The following PRKCA variants were observed in gnomAD, a reference collection of about 807,000 sequenced individuals.
PRKCA encodes protein kinase C alpha type.
PRKCA carries 27 observed loss-of-function variants against 87.0 expected under a neutral mutation model. The ratio of observed to expected loss-of-function variants is 0.31; its 90% CI spans 0.23 to 0.43. The LOEUF (loss-of-function observed/expected upper bound fraction) is 0.43. Among genes scored for constraint, PRKCA ranks in the 20% least tolerant of loss-of-function variants. The pLI is 1.00. For synonymous variants in PRKCA, 329 were observed against 311.1 expected (o/e 1.06, Z -0.61); for missense variants, 518 against 852.3 (o/e 0.61, Z 4.88).
intron 5 of PRKCA, among the ~76,000 whole-genome samples, chr17:66,671,165 T>C (rs894866008): frequency 2.4e-5 from 3 of 124,740 alleles, no homozygotes; most frequent in African/African-American, 9.2e-5. Flanking sequence ...GAGCCGAGAT[T>C]GCACCATTGC....
chr17:66,481,740 C>T (rs1915786536), intron 2 of PRKCA, among the ~76,000 whole-genome samples: 1 of 152,176 alleles, frequency 6.6e-6, no homozygotes, highest in Non-Finnish European at 1.5e-5. Flanking sequence ...ACTTTCTGGC[C>T]TTCAACTAGG....
At position 66,748,515 on chromosome 17, in the gene PRKCA, G is replaced by C. The variant is rs1410415060; in HGVS notation, c.1524+5755G>C. ...CAGCCGTCTCGTTCTTGGACCCCAA[G>C]GAGGGCAAATGTTCATGAAGTCAGG... On this transcript the variant is annotated intron_variant, in intron 13 of 16. Transcript: ENST00000413366. Among the ~76,000 whole-genome samples the C allele has an allele frequency of 2.6e-5, 4 of 152,172 alleles. No homozygotes were observed. In the East Asian group the frequency reaches 7.7e-4, roughly 29 times the overall value.
intron 2 of PRKCA, among the ~76,000 whole-genome samples, chr17:66,443,586 T>C (rs1860658): frequency 0.22 from 33,274 of 152,118 alleles, 4,045 homozygotes; most frequent in African/African-American, 0.31. Flanking sequence ...CATGGTGGCA[T>C]GTTGGGCTCT....
chr17:66,543,429 A>G (rs1370544547), intron 3 of PRKCA, among the ~76,000 whole-genome samples: 3 of 152,214 alleles, frequency 2.0e-5, no homozygotes, highest in Non-Finnish European at 2.9e-5. Context: ...TTTTGATGCT[A>G]TGAAGTACCC....
chr17:66,477,654 T>C (rs1915591653), intron 2 of PRKCA, among the ~76,000 whole-genome samples: 1 of 152,150 alleles, frequency 6.6e-6, no homozygotes, highest in African/African-American at 2.4e-5. Flanking sequence ...GAGCTGAGAT[T>C]GCACCACTGC....
At chr17:66,464,612 A>C (rs1005464519) in intron 2 of PRKCA, among the ~76,000 whole-genome samples, 1 of 152,104 alleles carries the variant, frequency 6.6e-6, no homozygotes, top group African/African-American at 2.4e-5. Context: ...GCAGATCCCT[A>C]ATGACATATT....
At chr17:66,321,117 C>CT (rs1905629963) in intron 2 of PRKCA, among the ~76,000 whole-genome samples, 1 of 152,088 alleles carries the variant, frequency 6.6e-6, no homozygotes, top group African/African-American at 2.4e-5. Context: ...TTTATGTATG[C>CT]TTTTTTCAAT....
intron 2 of PRKCA, among the ~76,000 whole-genome samples, chr17:66,348,406 C>T (rs1954020474): frequency 6.6e-6 from 1 of 152,148 alleles, no homozygotes; most frequent in South Asian, 2.1e-4. Flanking sequence ...TGTCACACCA[C>T]CATTGCTCTT....
At chr17:66,707,908 A>C (rs1973229336) in intron 8 of PRKCA, among the ~76,000 whole-genome samples, 1 of 152,192 alleles carries the variant, frequency 6.6e-6, no homozygotes, top group African/African-American at 2.4e-5. Flanking sequence ...AGTAAGCCTC[A>C]CTGCTGAAAA....
At chr17:66,502,957 C>T (rs114226716) in intron 3 of PRKCA, among the ~76,000 whole-genome samples, 4,559 of 152,336 alleles carry the variant, frequency 0.03, 233 homozygotes, top group African/African-American at 0.1. Context: ...CCGCGCCCAG[C>T]GTGCCCCCCA....
At chr17:66,417,526 C>G (rs1290030301) in intron 2 of PRKCA, among the ~76,000 whole-genome samples, 1 of 152,076 alleles carries the variant, frequency 6.6e-6, no homozygotes, top group Non-Finnish European at 1.5e-5. Context: ...CATTCTCTCT[C>G]TGGAATTGCT....
intron 3 of PRKCA, among the ~76,000 whole-genome samples, chr17:66,624,479 A>C (rs1391145444): frequency 6.6e-6 from 1 of 152,194 alleles, no homozygotes; most frequent in African/African-American, 2.4e-5. Context: ...CACAGTAGCC[A>C]CTAGTCACCT....
chr17:66,655,164 A>G (rs1971701942), intron 5 of PRKCA, among the ~76,000 whole-genome samples: 1 of 152,226 alleles, frequency 6.6e-6, no homozygotes, highest in African/African-American at 2.4e-5. Context: ...AAGCCTGCAC[A>G]TTATCCCATT....
At chr17:66,334,819 A>G (rs1355445825) in intron 2 of PRKCA, among the ~76,000 whole-genome samples, 2 of 152,236 alleles carry the variant, frequency 1.3e-5, no homozygotes, top group Non-Finnish European at 2.9e-5. Context: ...TGTTCATAGC[A>G]GTATTCATAA....
chr17:66,397,141 T>G (rs914302193), intron 2 of PRKCA, among the ~76,000 whole-genome samples: 4 of 151,564 alleles, frequency 2.6e-5, no homozygotes, highest in Non-Finnish European at 1.5e-5. Flanking sequence ...AATTTTTGTA[T>G]TTTTGGTAGA....
intron 5 of PRKCA, among the ~76,000 whole-genome samples, chr17:66,670,619 T>C (rs1298605183): frequency 6.6e-6 from 1 of 152,172 alleles, no homozygotes; most frequent in Non-Finnish European, 1.5e-5. Context: ...TCCATCACTT[T>C]GGGAAGCTGA....
At chr17:66,368,378 ATATATATAT>A (rs1908872442) in intron 2 of PRKCA, among the ~76,000 whole-genome samples, 5 of 28,206 alleles carry the variant, frequency 1.8e-4, no homozygotes, top group African/African-American at 4.3e-4. Flanking sequence ...ATATATATAT[ATATATATAT>A]TTTTTTTTTT....
At chr17:66,566,175 C>T (rs1219177056) in intron 3 of PRKCA, among the ~76,000 whole-genome samples, 1 of 152,182 alleles carries the variant, frequency 6.6e-6, no homozygotes, top group Non-Finnish European at 1.5e-5. Context: ...AACACATTTC[C>T]TCTATGGCCC....
At chr17:66,731,634 C>T (rs950193428) in intron 8 of PRKCA, among the ~76,000 whole-genome samples, 1 of 152,164 alleles carries the variant, frequency 6.6e-6, no homozygotes, top group Non-Finnish European at 1.5e-5. Context: ...TACCTTTTGC[C>T]TTTGACATGG....
Sources: allele counts gnomAD v4.1 joint callset (sites outside exome capture counted in the v4.1 genomes callset), GRCh38; gene constraint gnomAD v4.1.1; transcripts MANE v1.5; gene names NCBI Gene and HGNC (gene_info 2026-07-23, HGNC 2026-07-21).